OR51B5: variants seen among roughly 807,000 people sequenced by gnomAD.
OR51B5 encodes the protein olfactory receptor family 51 subfamily B member 5, also known as olfactory receptor 51B5.
For missense variants in OR51B5, 456 were observed against 374.6 expected, an observed-to-expected ratio of 1.22 and a Z score of -1.79; for synonymous variants, 186 against 144.8, an observed-to-expected ratio of 1.28 and a Z score of -2.04.
chr11:5,448,372 T>C (rs1850800557), intron 1 of OR51B5, among the ~76,000 whole-genome samples: 1 of 152,182 alleles, frequency 6.6e-6, no homozygotes, highest in Non-Finnish European at 1.5e-5. Context: ...TCTGCTCTGA[T>C]AGCAACATTT....
chr11:5,377,858 A>G (rs938471240), intron 1 of OR51B5, among the ~76,000 whole-genome samples: 2 of 152,208 alleles, frequency 1.3e-5, no homozygotes, highest in Non-Finnish European at 2.9e-5. Context: ...GGTAGGAAGA[A>G]TCAATATCAT....
At chr11:5,391,472 G>C (rs1330000987) in intron 1 of OR51B5, 1 of 152,178 alleles carries the variant, frequency 6.6e-6, no homozygotes, top group Non-Finnish European at 1.5e-5. Context: ...TTGCTCGCCA[G>C]TAAATGTATA....
At chr11:5,484,608 T>C (rs1349050133) in intron 1 of OR51B5, among the ~76,000 whole-genome samples, 2 of 152,164 alleles carry the variant, frequency 1.3e-5, no homozygotes, top group Non-Finnish European at 2.9e-5. Flanking sequence ...TAATTTTATA[T>C]AGTACTCCAC....
chr11:5,390,420 C>A, intron 1 of OR51B5: 1 of 1,490,330 alleles, frequency 6.7e-7, no homozygotes, highest in Non-Finnish European at 9.0e-7. Flanking sequence ...TATAAGAAGG[C>A]CCCAAATTGG....
chr11:5,418,402 T>C (rs1253622429), intron 1 of OR51B5, among the ~76,000 whole-genome samples: 1 of 143,178 alleles, frequency 7.0e-6, no homozygotes, highest in Non-Finnish European at 1.6e-5. Flanking sequence ...ACTTAAAGTA[T>C]AATAATAATA....
chr11:5,470,465 C>A (rs1032703883), intron 1 of OR51B5, among the ~76,000 whole-genome samples: 1 of 152,156 alleles, frequency 6.6e-6, no homozygotes, highest in Non-Finnish European at 1.5e-5. Context: ...CCCATAATGT[C>A]CTCCATGTCT....
chr11:5,424,839 G>A lies in OR51B5; in HGVS notation n.85-77929C>T, dbSNP rs535841821. Among the ~76,000 whole-genome samples the A allele has an allele frequency of 2.1e-4, 22 of 105,952 alleles. 8 individuals carry two copies. Among genetic ancestry groups the A allele is most frequent in the Non-Finnish European group, 3.5e-4 (16 of 45,276 alleles). 69.5% of individuals were successfully genotyped at this position (105,952 alleles called of 152,430 possible). ...TACTAAAAAATAGAAAAAATTAGCC[G>A]GGCGTGGTGGCGGGCGCCTATAGTC... is the stretch of plus-strand genomic sequence containing the variant. On this transcript the variant is annotated intron_variant and non_coding_transcript_variant, in intron 1 of 4. Coordinates refer to the OR51B5 transcript ENST00000415970.
intron 1 of OR51B5, chr11:5,468,447 C>T (rs760886040): frequency 3.1e-6 from 1 of 327,336 alleles, no homozygotes; most frequent in African/African-American, 2.2e-5. Context: ...TCAGCAACAA[C>T]AAAGAAACTC....
chr11:5,475,484 C>A (rs185227790), intron 1 of OR51B5, among the ~76,000 whole-genome samples: 10 of 152,244 alleles, frequency 6.6e-5, no homozygotes, highest in African/African-American at 2.2e-4. Flanking sequence ...AGTTATTTAT[C>A]CACCAACTCT....
chr11:5,481,539 T>C (rs916592448), intron 1 of OR51B5, among the ~76,000 whole-genome samples: 5 of 149,276 alleles, frequency 3.3e-5, no homozygotes, highest in African/African-American at 1.3e-4. Flanking sequence ...AAATAAAGGG[T>C]ATTCAAGCAG....
chr11:5,389,048 G>A (rs1209041301), intron 1 of OR51B5, among the ~76,000 whole-genome samples: 1 of 152,138 alleles, frequency 6.6e-6, no homozygotes, highest in Non-Finnish European at 1.5e-5. Context: ...ATCAATATAT[G>A]GATGGTAAAT....
At chr11:5,454,208 ATG>A (rs1564818698) in intron 1 of OR51B5, 1 of 1,614,172 alleles carries the variant, frequency 6.2e-7, no homozygotes, top group Non-Finnish European at 8.5e-7. Context: ...CTCTCAACAC[ATG>A]TGTGTCACAT....
At chr11:5,446,898 G>A (rs1850773178) in intron 1 of OR51B5, among the ~76,000 whole-genome samples, 1 of 152,184 alleles carries the variant, frequency 6.6e-6, no homozygotes, top group African/African-American at 2.4e-5. Flanking sequence ...AGGGATATGG[G>A]GATATAAATC....
chr11:5,348,011 T>C (rs1849019545), upstream of OR51B5, among the ~76,000 whole-genome samples: 1 of 151,764 alleles, frequency 6.6e-6, no homozygotes, highest in African/African-American at 2.4e-5. Context: ...GGGTATTTAA[T>C]GAATCTCCTC....
At chr11:5,474,021 C>T (rs988703224) in intron 1 of OR51B5, among the ~76,000 whole-genome samples, 2 of 152,018 alleles carry the variant, frequency 1.3e-5, no homozygotes, top group African/African-American at 4.8e-5. Context: ...TAAAAAGACA[C>T]CCTTATAGGA....
chr11:5,461,191 C>T (rs1336503735), intron 1 of OR51B5, among the ~76,000 whole-genome samples: 1 of 152,168 alleles, frequency 6.6e-6, no homozygotes, highest in Admixed American at 6.5e-5. Flanking sequence ...ACTGGGGTCC[C>T]CAGTGCTCAT....
intron 1 of OR51B5, chr11:5,390,065 C>T: frequency 6.2e-7 from 1 of 1,613,724 alleles, no homozygotes; most frequent in Non-Finnish European, 8.5e-7. Flanking sequence ...GATGCTGGAC[C>T]TGGTGCTCAT....
At chr11:5,497,066 G>GAC (rs1851661746) in intron 1 of OR51B5, among the ~76,000 whole-genome samples, 9 of 151,020 alleles carry the variant, frequency 6.0e-5, no homozygotes, top group Admixed American at 5.9e-4. Context: ...AAAAAAAAAA[G>GAC]AGAGAGGAAA....
At chr11:5,376,092 CAG>C (rs1429725555) in intron 1 of OR51B5, among the ~76,000 whole-genome samples, 1 of 151,882 alleles carries the variant, frequency 6.6e-6, no homozygotes, top group Non-Finnish European at 1.5e-5. Flanking sequence ...TATAAAAGAA[CAG>C]AAATTATAAC....
Sources: allele counts gnomAD v4.1 joint callset (sites outside exome capture counted in the v4.1 genomes callset), GRCh38; gene constraint gnomAD v4.1.1; transcripts MANE v1.5; gene names NCBI Gene and HGNC (gene_info 2026-07-23, HGNC 2026-07-21).